The following GPR89A variants were observed in gnomAD, a reference collection of about 807,000 sequenced individuals.
GPR89A encodes the protein G protein-coupled receptor 89A.
A neutral mutation model predicts 52.0 loss-of-function variants in GPR89A; 16 were observed. The observed-to-expected ratio is 0.31, with a 90% CI of 0.21 to 0.47. GPR89A has a LOEUF of 0.47. Among genes scored for constraint, GPR89A ranks in the 20% least tolerant of loss-of-function variants. The pLI, the probability that GPR89A is intolerant of heterozygous loss-of-function variation, is 1.00. For synonymous variants in GPR89A, 55 were observed against 150.9 expected (o/e 0.36, Z 4.66); for missense variants, 135 against 449.4 (o/e 0.30, Z 6.33).
intron 10 of GPR89A, among the ~76,000 whole-genome samples, chr1:145,655,621 G>A (rs1553694391): frequency 6.6e-6 from 1 of 152,176 alleles, no homozygotes; most frequent in African/African-American, 2.4e-5. Flanking sequence ...TCTCGCACCT[G>A]GAGGTATTAC....
chr1:145,647,900 T>C (rs1219634428), intron 10 of GPR89A, among the ~76,000 whole-genome samples: 4 of 134,936 alleles, frequency 3.0e-5, no homozygotes, highest in Non-Finnish European at 4.7e-5. Flanking sequence ...TATATATATA[T>C]ATATATATAT....
Position 145,647,277 on chromosome 1 carries a change from T to C in GPR89A, c.909+10T>C. 6.4e-7 allele frequency: 1 copy of C among 1,560,490 alleles called. No individual in the cohort carries two copies. The highest frequency in any genetic ancestry group is 8.7e-7 in the Non-Finnish European group (1 of 1,151,948). On this transcript the variant is annotated intron_variant, in intron 10 of 13. Coordinates refer to ENST00000313835, the MANE Select transcript of GPR89A (RefSeq NM_001097612.2). ...TTGGAAAATTTTCATGGTAAGTATGTTATTTTTAATTATCAGAGTTTAGAT... is the reference window on the plus strand; with the variant it reads ...TTGGAAAATTTTCATGGTAAGTATGCTATTTTTAATTATCAGAGTTTAGAT...
chr1:145,658,870 T>C (rs1250830266), intron 10 of GPR89A, among the ~76,000 whole-genome samples: 1 of 151,712 alleles, frequency 6.6e-6, no homozygotes, highest in Non-Finnish European at 1.5e-5. Flanking sequence ...CTCTGCCTCC[T>C]GGGTTCAAGC....
intron 8 of GPR89A, chr1:145,645,603 T>C: frequency 2.2e-6 from 1 of 453,974 alleles, no homozygotes; most frequent in South Asian, 1.6e-5. Context: ...TGCATCTCTA[T>C]CAATTAATTG....
intron 8 of GPR89A, chr1:145,645,906 T>C: frequency 3.7e-6 from 2 of 543,548 alleles, no homozygotes; most frequent in Non-Finnish European, 6.6e-6. Flanking sequence ...ATCTAACTAG[T>C]TAAATCAAAA....
intron 10 of GPR89A, among the ~76,000 whole-genome samples, chr1:145,647,633 A>G (rs1651093305): frequency 6.6e-6 from 1 of 151,316 alleles, no homozygotes; most frequent in Non-Finnish European, 1.5e-5. Flanking sequence ...GTGAAACCCC[A>G]TCTCTACTAA....
At chr1:145,655,793 A>G (rs1414772981) in intron 10 of GPR89A, among the ~76,000 whole-genome samples, 2 of 151,920 alleles carry the variant, frequency 1.3e-5, no homozygotes, top group African/African-American at 4.8e-5. Context: ...TTAAGGAAGC[A>G]CTCTGACTGC....
At position 145,608,966 on chromosome 1, in the gene GPR89A, A is replaced by G. The variant is rs370977682; in HGVS notation, c.42+791A>G. Among the ~76,000 whole-genome samples the G allele has an allele frequency of 1.6e-3, 242 of 152,058 alleles. 1 individual carries two copies. Among genetic ancestry groups the G allele is most frequent in the South Asian group, 7.7e-3 (37 of 4,810 alleles). ...TTATTGTTTCTTCCTAGCATTCATCATAGCACTGGCATCATTTATGTCTGT... is the reference window on the plus strand; with the variant it reads ...TTATTGTTTCTTCCTAGCATTCATCGTAGCACTGGCATCATTTATGTCTGT... On this transcript the variant is annotated intron_variant, in intron 1 of 13. Coordinates refer to ENST00000313835, the MANE Select transcript of GPR89A (RefSeq NM_001097612.2).
chr1:145,649,088 G>T (rs1296330401), intron 10 of GPR89A, among the ~76,000 whole-genome samples: 2 of 152,178 alleles, frequency 1.3e-5, no homozygotes, highest in African/African-American at 4.8e-5. Flanking sequence ...ACAGGCGTGA[G>T]CCACTGCACC....
chr1:145,657,907 C>G (rs1329777224), intron 10 of GPR89A, among the ~76,000 whole-genome samples: 1 of 150,908 alleles, frequency 6.6e-6, no homozygotes, highest in Non-Finnish European at 1.5e-5. Context: ...GTGTATGATG[C>G]AGTAGTTCTT....
At chr1:145,622,974 A>C (rs1210090749) in intron 3 of GPR89A, 80 bp from the exon 4 acceptor site, 1 of 1,594,776 alleles carries the variant, frequency 6.3e-7, no homozygotes, top group African/African-American at 1.3e-5. Context: ...AAAGAGCAAA[A>C]GGACCCTTTG....
chr1:145,652,410 G>A (rs587735352), intron 10 of GPR89A, among the ~76,000 whole-genome samples: 21 of 149,628 alleles, frequency 1.4e-4, no homozygotes, highest in Non-Finnish European at 2.1e-4. Context: ...GTATTTTATT[G>A]AGGATTTTCA....
At chr1:145,655,037 A>G (rs1559046169) in intron 10 of GPR89A, among the ~76,000 whole-genome samples, 1 of 149,170 alleles carries the variant, frequency 6.7e-6, no homozygotes, top group Non-Finnish European at 1.5e-5. Flanking sequence ...GTCTTATTTC[A>G]GCAAGATAGT....
At chr1:145,648,604 C>T (rs1325564208) in intron 10 of GPR89A, among the ~76,000 whole-genome samples, 1 of 151,616 alleles carries the variant, frequency 6.6e-6, no homozygotes, top group African/African-American at 2.4e-5. Flanking sequence ...CTCAGCCTCC[C>T]GAGTGGCTGG....
intron 10 of GPR89A, among the ~76,000 whole-genome samples, chr1:145,656,522 T>C (rs1370960368): frequency 6.6e-6 from 1 of 152,174 alleles, no homozygotes; most frequent in East Asian, 1.9e-4. Context: ...CCTGGTTACC[T>C]CAGCCTGAAA....
chr1:145,667,657 C>T (rs1571553130), intron 12 of GPR89A, among the ~76,000 whole-genome samples: 1 of 152,226 alleles, frequency 6.6e-6, no homozygotes, highest in East Asian at 1.9e-4. Context: ...ATGCCTATGT[C>T]CTGAATGTTA....
intron 6 of GPR89A, among the ~76,000 whole-genome samples, chr1:145,631,371 AAAAAT>A (rs1272030129): frequency 2.7e-5 from 4 of 145,682 alleles, no homozygotes; most frequent in Middle Eastern, 7.1e-3. Context: ...AAGTATAATA[AAAAAT>A]AAAATAAAAA....
At chr1:145,665,523 C>G (rs1652496623) in intron 11 of GPR89A, 39 bp from the exon 12 acceptor site, 1 of 1,466,372 alleles carries the variant, frequency 6.8e-7, no homozygotes, top group Non-Finnish European at 9.5e-7. Flanking sequence ...TCTCTCTGAA[C>G]AGAGATTTAG....
At chr1:145,609,646 T>C (rs1553685768) in intron 1 of GPR89A, among the ~76,000 whole-genome samples, 1 of 152,214 alleles carries the variant, frequency 6.6e-6, no homozygotes, top group African/African-American at 2.4e-5. Flanking sequence ...CAGTAGAAAA[T>C]TGGCTTTGCA....
Sources: gnomAD v4.1 joint callset for allele counts (sites outside exome capture counted in the v4.1 genomes callset) on GRCh38, gnomAD v4.1.1 for gene constraint, MANE v1.5 for transcripts, NCBI Gene and HGNC (gene_info 2026-07-23, HGNC 2026-07-21) for gene names.